Variants in ASH1L observed in about 807,000 individuals in gnomAD.
The protein encoded by ASH1L is histone-lysine N-methyltransferase ASH1L.
Under a neutral mutation model 269.0 loss-of-function variants are expected in ASH1L, and 23 were observed. The observed-to-expected ratio is 0.09, with a 90% CI of 0.06 to 0.12. ASH1L has a LOEUF of 0.12. Ranked by LOEUF, ASH1L falls within the 10% of genes least tolerant of loss-of-function variation. ASH1L has a pLI of 1.00. For synonymous variants in ASH1L, 1,187 were observed against 1,253.5 expected (o/e 0.95, Z 1.12); for missense variants, 2,912 against 3,567.8 (o/e 0.82, Z 4.68).
At chr1:155,460,262 T>C (rs553992314) in intron 3 of ASH1L, among the ~76,000 whole-genome samples, 2 of 152,362 alleles carry the variant, frequency 1.3e-5, no homozygotes, top group Admixed American at 1.3e-4. Flanking sequence ...TTCTGGATTA[T>C]TGATTAAAAT....
At chr1:155,361,372 C>T (rs1239775482) in intron 12 of ASH1L, among the ~76,000 whole-genome samples, 6 of 151,710 alleles carry the variant, frequency 4.0e-5, no homozygotes, top group Non-Finnish European at 7.4e-5. Flanking sequence ...CAAAAATTAG[C>T]CGGGCATGGT....
At chr1:155,443,837 A>T in intron 4 of ASH1L, among the ~76,000 whole-genome samples, 1 of 152,126 alleles carries the variant, frequency 6.6e-6, no homozygotes, top group Non-Finnish European at 1.5e-5. Flanking sequence ...CAATTTCTTT[A>T]CATATTCACC....
intron 1 of ASH1L, among the ~76,000 whole-genome samples, chr1:155,525,695 C>T (rs1669204049): frequency 6.6e-6 from 1 of 152,058 alleles, no homozygotes; most frequent in Admixed American, 6.6e-5. Context: ...CTTGCACTGA[C>T]CTGATCCATC....
intron 12 of ASH1L, among the ~76,000 whole-genome samples, chr1:155,366,110 T>C (rs1036501677): frequency 1.3e-5 from 2 of 151,720 alleles, no homozygotes; most frequent in African/African-American, 2.4e-5. Context: ...AGACAGGAGG[T>C]TGGCACAAAA....
chr1:155,377,643 T>C (rs1424068238), intron 10 of ASH1L, among the ~76,000 whole-genome samples: 1 of 152,076 alleles, frequency 6.6e-6, no homozygotes, highest in Non-Finnish European at 1.5e-5. Flanking sequence ...ATCAACAGTC[T>C]CATATAATCT....
intron 1 of ASH1L, among the ~76,000 whole-genome samples, chr1:155,554,416 G>A (rs1355929809): frequency 6.6e-6 from 1 of 152,070 alleles, no homozygotes; most frequent in Non-Finnish European, 1.5e-5. Context: ...GGGATTAAAG[G>A]CGTGTGCCCC....
At chr1:155,506,604 G>A (rs1381045986) in intron 2 of ASH1L, among the ~76,000 whole-genome samples, 1 of 152,048 alleles carries the variant, frequency 6.6e-6, no homozygotes. Context: ...GGCTGAGGTG[G>A]GAAAACTGCT....
chr1:155,469,973 C>T (rs1664974947), intron 3 of ASH1L, among the ~76,000 whole-genome samples: 1 of 152,192 alleles, frequency 6.6e-6, no homozygotes, highest in Non-Finnish European at 1.5e-5. Flanking sequence ...GGTCCCATAT[C>T]AAACCATTAA....
At chr1:155,459,701 A>G in intron 4 of ASH1L, 96 bp downstream of exon 4, 1 of 921,702 alleles carries the variant, frequency 1.1e-6, no homozygotes, top group Non-Finnish European at 1.7e-6. Flanking sequence ...TATATGATAC[A>G]GTCCCCATTA....
At chr1:155,539,573 T>C (rs1040358072) in intron 1 of ASH1L, among the ~76,000 whole-genome samples, 1 of 152,042 alleles carries the variant, frequency 6.6e-6, no homozygotes, top group Non-Finnish European at 1.5e-5. Flanking sequence ...CTTAGCCTCC[T>C]GAGTAGCTGG....
At chr1:155,370,287 C>G (rs1028605202) in intron 12 of ASH1L, 3 of 576,750 alleles carry the variant, frequency 5.2e-6, no homozygotes, top group Non-Finnish European at 9.0e-6. Context: ...AAAAGCAAAA[C>G]AAAAAAACAG....
intron 2 of ASH1L, among the ~76,000 whole-genome samples, chr1:155,496,592 T>C (rs1160828080): frequency 6.6e-6 from 1 of 152,214 alleles, no homozygotes; most frequent in African/African-American, 2.4e-5. Context: ...ACTTCCCATG[T>C]ACTAAATCCT....
intron 6 of ASH1L, among the ~76,000 whole-genome samples, chr1:155,402,408 T>TA (rs1658931863): frequency 6.6e-6 from 1 of 152,120 alleles, no homozygotes; most frequent in African/African-American, 2.4e-5. Flanking sequence ...GATAAAAAGG[T>TA]AAAATTATAT....
intron 5 of ASH1L, among the ~76,000 whole-genome samples, chr1:155,431,199 C>T (rs1366527278): frequency 6.6e-6 from 1 of 151,046 alleles, no homozygotes; most frequent in South Asian, 2.1e-4. Flanking sequence ...AGCAAGATGC[C>T]GTCTCAACAA....
intron 1 of ASH1L, among the ~76,000 whole-genome samples, chr1:155,529,478 A>G (rs1669511291): frequency 6.6e-6 from 1 of 151,592 alleles, no homozygotes; most frequent in Admixed American, 6.6e-5. Flanking sequence ...TGTTGGCTGC[A>G]TGTATGTCTT....
rs150655594 is a variant in ASH1L at position 155,423,807 on chromosome 1, G to A, written c.5829-7884C>T. On this transcript the variant is annotated intron_variant, in intron 5 of 27. Coordinates refer to ENST00000392403, the MANE Select transcript of ASH1L (RefSeq NM_018489.3). ...ATGCAATGGCGTGATTCGGCGCACT[G>A]CAACCTCCACCTCCCAGGTTCAAGC... 7.7e-3 allele frequency among the ~76,000 whole-genome samples: 1,171 copies of A among 152,256 alleles called. 16 individuals are homozygous for A. The highest frequency in any genetic ancestry group is 0.027 in the African/African-American group (1,138 of 41,562).
chr1:155,400,318 C>T (rs113182911), intron 6 of ASH1L, among the ~76,000 whole-genome samples: 161 of 146,514 alleles, frequency 1.1e-3, no homozygotes, highest in African/African-American at 3.9e-3. Flanking sequence ...GGTGATAGAG[C>T]GAGACTGTCT....
At chr1:155,452,991 A>AT (rs1290472694) in intron 4 of ASH1L, among the ~76,000 whole-genome samples, 5 of 152,104 alleles carry the variant, frequency 3.3e-5, no homozygotes, top group Non-Finnish European at 7.4e-5. Flanking sequence ...TTCTTAGGCC[A>AT]TTTTTTTGGA....
At chr1:155,551,133 A>T (rs1362706220) in intron 1 of ASH1L, among the ~76,000 whole-genome samples, 1 of 150,778 alleles carries the variant, frequency 6.6e-6, no homozygotes, top group East Asian at 2.0e-4. Context: ...TATTTATTTG[A>T]CTCTTTTTTT....
Sources: allele counts gnomAD v4.1 joint callset (sites outside exome capture counted in the v4.1 genomes callset), GRCh38; gene constraint gnomAD v4.1.1; transcripts MANE v1.5; gene names NCBI Gene and HGNC (gene_info 2026-07-23, HGNC 2026-07-21).